Variants in EHBP1 observed in about 807,000 individuals in gnomAD.
EHBP1 encodes EH domain-binding protein 1.
EHBP1 carries 55 observed loss-of-function variants against 144.0 expected under a neutral mutation model. The ratio of observed to expected loss-of-function variants is 0.38; its 90% CI spans 0.31 to 0.48. The LOEUF (loss-of-function observed/expected upper bound fraction) is 0.48. Ranked by LOEUF, EHBP1 falls within the 20% of genes least tolerant of loss-of-function variation. The probability of loss-of-function intolerance (pLI) is 0.98; values close to 1 mark genes in which losing one functional copy is unlikely to be tolerated. For missense variants in EHBP1, 1,200 were observed against 1,364.2 expected, an observed-to-expected ratio of 0.88 and a Z score of 1.90; for synonymous variants, 469 against 472.7, an observed-to-expected ratio of 0.99 and a Z score of 0.10.
chr2:62,936,421 G>T (rs1195799184), intron 10 of EHBP1, among the ~76,000 whole-genome samples: 6 of 152,008 alleles, frequency 3.9e-5, no homozygotes, highest in Admixed American at 3.9e-4. Context: ...TTTTGGCTTT[G>T]CTGATCCTCT....
At chr2:62,738,513 C>T (rs2038371200) in intron 2 of EHBP1, among the ~76,000 whole-genome samples, 1 of 152,162 alleles carries the variant, frequency 6.6e-6, no homozygotes, top group Non-Finnish European at 1.5e-5. Context: ...GGTAATTCAT[C>T]AGTTCCTTTC....
intron 1 of EHBP1, among the ~76,000 whole-genome samples, chr2:62,695,133 A>C (rs1558512898): frequency 6.6e-6 from 1 of 152,134 alleles, no homozygotes; most frequent in Non-Finnish European, 1.5e-5. Context: ...AGGCCAAGGC[A>C]GGGAGGGCGG....
intron 5 of EHBP1, among the ~76,000 whole-genome samples, chr2:62,809,752 A>G (rs1328714211): frequency 6.6e-6 from 1 of 152,106 alleles, no homozygotes; most frequent in Non-Finnish European, 1.5e-5. Context: ...TACATGCAGT[A>G]TTTGGTTTTT....
chr2:62,725,683 G>T (rs891567058), intron 2 of EHBP1, among the ~76,000 whole-genome samples: 1 of 152,184 alleles, frequency 6.6e-6, no homozygotes, highest in South Asian at 2.1e-4. Flanking sequence ...GGAGGATGGG[G>T]GATGGACTGC....
intron 2 of EHBP1, among the ~76,000 whole-genome samples, chr2:62,746,683 A>T (rs2152141986): frequency 6.6e-6 from 1 of 152,160 alleles, no homozygotes; most frequent in South Asian, 2.1e-4. Flanking sequence ...AATGGGAAAA[A>T]CCACAGTTAC....
chr2:62,707,419 G>A (rs2034700060), intron 2 of EHBP1, 124 bp downstream of exon 2: 1 of 682,202 alleles, frequency 1.5e-6, no homozygotes, highest in Non-Finnish European at 2.6e-6. Context: ...AGCTGGGTGG[G>A]GCGCAGATAA....
chr2:62,751,166 C>T (rs944102695), intron 3 of EHBP1, among the ~76,000 whole-genome samples: 18 of 152,084 alleles, frequency 1.2e-4, no homozygotes, highest in Admixed American at 5.9e-4. Flanking sequence ...CCATCAATAC[C>T]GAATTTATTG....
chr2:62,812,770 G>A (rs1322553025), intron 5 of EHBP1, among the ~76,000 whole-genome samples: 2 of 152,104 alleles, frequency 1.3e-5, no homozygotes, highest in Non-Finnish European at 2.9e-5. Context: ...AGATGCATCG[G>A]GACTTTTCAC....
chr2:62,676,261 T>C (rs1022091138), intron 1 of EHBP1, among the ~76,000 whole-genome samples: 3 of 152,252 alleles, frequency 2.0e-5, no homozygotes, highest in Admixed American at 1.3e-4. Context: ...AAGTGATAAT[T>C]GTCTTAAAGT....
chr2:62,683,327 G>C (rs1187166749), intron 1 of EHBP1, among the ~76,000 whole-genome samples: 1 of 152,088 alleles, frequency 6.6e-6, no homozygotes, highest in Admixed American at 6.5e-5. Context: ...TCTTGGCTTG[G>C]GTCATGTGCC....
chr2:63,029,756 A>G (rs960281998), intron 19 of EHBP1, among the ~76,000 whole-genome samples: 3 of 152,078 alleles, frequency 2.0e-5, no homozygotes, highest in Non-Finnish European at 4.4e-5. Context: ...TTTTGAGATG[A>G]AGTCTTGCTC....
At chr2:62,972,369 G>A (rs2058537974) in intron 14 of EHBP1, among the ~76,000 whole-genome samples, 1 of 151,892 alleles carries the variant, frequency 6.6e-6, no homozygotes, top group African/African-American at 2.4e-5. Flanking sequence ...GCTATTTTGA[G>A]TAAAAAAGAA....
intron 19 of EHBP1, among the ~76,000 whole-genome samples, chr2:63,034,715 G>A (rs1198777669): frequency 1.3e-5 from 2 of 151,438 alleles, no homozygotes; most frequent in Admixed American, 6.6e-5. Context: ...CTCTAGTGAC[G>A]GTACTAGATC....
chr2:62,837,454 ACAT>A (rs1305365948), intron 7 of EHBP1, among the ~76,000 whole-genome samples: 1 of 151,948 alleles, frequency 6.6e-6, no homozygotes, highest in Non-Finnish European at 1.5e-5. Context: ...TCACCAGCTA[ACAT>A]CATAATGACA....
chr2:62,774,389 AAG>A (rs1333665161), intron 5 of EHBP1, among the ~76,000 whole-genome samples: 2 of 151,816 alleles, frequency 1.3e-5, no homozygotes, highest in South Asian at 2.1e-4. Flanking sequence ...AAAAAAAAAA[AAG>A]AGAGAAAAGA....
chr2:63,043,059 A>T lies in EHBP1; in HGVS notation c.3278-2007A>T, dbSNP rs1277935830. ...TAATATAAAATTTAGTCTCAAATCT[A>T]TTACACATTTAGGTTTTTTTCTGAA... On this transcript the variant is annotated intron_variant, in intron 21 of 22. Transcript: ENST00000431489. 2.0e-5 allele frequency among the ~76,000 whole-genome samples: 3 copies of T among 152,140 alleles called. No homozygotes were observed. The East Asian group carries it at 5.8e-4, about 29-fold the overall frequency.
chr2:62,761,051 A>G (rs1490066813), intron 3 of EHBP1, among the ~76,000 whole-genome samples: 1 of 152,192 alleles, frequency 6.6e-6, no homozygotes, highest in Non-Finnish European at 1.5e-5. Context: ...CCAGAAAAAC[A>G]GCTTGATTAA....
chr2:62,732,470 A>C (rs112607181), intron 2 of EHBP1, among the ~76,000 whole-genome samples: 3,500 of 152,228 alleles, frequency 0.023, 94 homozygotes, highest in African/African-American at 0.071. Context: ...AGGTGATTGA[A>C]TTGTGGGGAC....
intron 14 of EHBP1, among the ~76,000 whole-genome samples, chr2:62,976,316 A>C (rs944619387): frequency 1.3e-4 from 20 of 152,140 alleles, no homozygotes; most frequent in Admixed American, 2.0e-4. Context: ...TTGATTTCTC[A>C]AGAAATTTGT....
Sources: allele counts gnomAD v4.1 joint callset (sites outside exome capture counted in the v4.1 genomes callset), GRCh38; gene constraint gnomAD v4.1.1; transcripts MANE v1.5; gene names NCBI Gene and HGNC (gene_info 2026-07-23, HGNC 2026-07-21).